FAM50B: variants seen among roughly 807,000 people sequenced by gnomAD.
The protein encoded by FAM50B is protein FAM50B.
Under a neutral mutation model 25.4 loss-of-function variants are expected in FAM50B, and 9 were observed. The ratio of observed to expected loss-of-function variants is 0.35; its 90% confidence interval spans 0.21 to 0.62. The LOEUF is 0.62. FAM50B is among the 20% of genes least tolerant of loss of function. FAM50B has a pLI of 0.73. For synonymous variants in FAM50B, 212 were observed against 204.3 expected (o/e 1.04, Z -0.32); for missense variants, 372 against 477.9 (o/e 0.78, Z 2.07).
the FAM50B span, among the ~76,000 whole-genome samples, chr6:3,837,035 A>G: frequency 6.6e-6 from 1 of 152,336 alleles, no homozygotes; most frequent in East Asian, 1.9e-4. Flanking sequence ...CAACATTTAG[A>G]TGGAAGGAAA....
At position 3,850,144 on chromosome 6, in the gene FAM50B, C is replaced by A. The variant is rs148854528; in HGVS notation, c.333C>A (p.Arg111=). 3.8e-5 allele frequency: 62 copies of A among 1,611,192 alleles called. No homozygotes were observed. Among genetic ancestry groups the A allele is most frequent in the Non-Finnish European group, 5.2e-5 (61 of 1,179,416 alleles). ...GGCAGCGGGAGCAGGAGCAGCGGCGCGAGCGCAAGCGTAAGATCTCCTGCC... is the reference window on the plus strand; with the variant it reads ...GGCAGCGGGAGCAGGAGCAGCGGCGAGAGCGCAAGCGTAAGATCTCCTGCC... ...QERQREQEQR[R]ERKRKISCLS... is the part of the protein sequence containing the mutation. The change falls in exon 2 of 2, where the codon CGC becomes CGA. Residue 111 remains arginine, a synonymous_variant. Transcript: ENST00000648326.
upstream of FAM50B, among the ~76,000 whole-genome samples, chr6:3,847,689 C>A (rs1027116625): frequency 1.3e-5 from 2 of 152,222 alleles, no homozygotes; most frequent in South Asian, 2.1e-4. Context: ...CCTTTGCATT[C>A]ACAACTTAGC....
chr6:3,839,236 GGA>G, the FAM50B span, among the ~76,000 whole-genome samples: 10 of 151,858 alleles, frequency 6.6e-5, no homozygotes, highest in Non-Finnish European at 1.5e-4. Context: ...GGACGCAAAA[GGA>G]GAGAGGGGGA....
At chr6:3,837,721 C>CTGCA in the FAM50B span, among the ~76,000 whole-genome samples, 1 of 152,180 alleles carries the variant, frequency 6.6e-6, no homozygotes, top group Non-Finnish European at 1.5e-5. Context: ...GGCCTTCTTG[C>CTGCA]TGCATCACAA....
chr6:3,841,968 G>C, the FAM50B span, among the ~76,000 whole-genome samples: 1 of 152,226 alleles, frequency 6.6e-6, no homozygotes, highest in East Asian at 1.9e-4. Context: ...AGTGTGCACT[G>C]TGGCCATCCC....
In FAM50B at chr6:3,850,877, T is replaced by C; in HGVS notation, c.*88T>C. On this transcript the variant is annotated 3_prime_UTR_variant, in exon 2 of 2. Coordinates refer to ENST00000648326, the MANE Select transcript of FAM50B (RefSeq NM_012135.3). ...CAGTCACTTGATTTCGTGACCTTGA[T>C]TTCTTCCCCCAAATTTAATAAAGAC... 1 of 1,526,552 alleles carries C rather than the reference T, an allele frequency of 6.6e-7. No individual in the cohort carries two copies. The highest frequency in any genetic ancestry group is 8.8e-7 in the Non-Finnish European group (1 of 1,135,696). The allele number at this position is 1,526,552 out of a possible 1,614,324, so 94.6% of individuals were successfully genotyped here.
At chr6:3,845,460 A>C (rs1413946217), upstream of FAM50B, among the ~76,000 whole-genome samples, 2 of 152,222 alleles carry the variant, frequency 1.3e-5, no homozygotes, top group East Asian at 3.8e-4. Context: ...ATTGAATTAA[A>C]GTTTAGTTGG....
In FAM50B at chr6:3,851,052, TCAGA is replaced by T. The variant is rs1431578102; in HGVS notation, c.*268_*271del. ...ATTGAAACCATGACTGGGCCCACTG[TCAGA>T]CAGAAATTAGAATAGGAGGCACATT... On this transcript the variant is annotated 3_prime_UTR_variant, in exon 2 of 2. Transcript: ENST00000648326. 5 of 500,856 alleles carry T rather than the reference TCAGA, an allele frequency of 1.0e-5. No homozygotes were observed. The highest frequency in any genetic ancestry group is 2.7e-5 in the South Asian group (1 of 37,182). The allele number at this position is 500,856 out of a possible 1,614,324, so 31.0% of individuals were successfully genotyped here. A position where few individuals can be genotyped will look rare whatever the true frequency, so the allele number is the denominator to read the frequency against.
At chr6:3,838,083 G>A in the FAM50B span, among the ~76,000 whole-genome samples, 2 of 152,222 alleles carry the variant, frequency 1.3e-5, no homozygotes, top group Admixed American at 1.3e-4. Flanking sequence ...AAACAGTTTA[G>A]TAGATTTTAT....
In FAM50B at chr6:3,850,496, T is replaced by A; in HGVS notation, c.685T>A (p.Ser229Thr). The part of the protein sequence containing the change: ...GLRKDFLELR[S>T]AGVEQLMFIK... ...GCGCAAGGACTTCCTGGAGCTGCGC[T>A]CCGCCGGCGTGGAGCAGCTCATGTT... The change falls in exon 2 of 2, where the codon TCC becomes ACC. Residue 229 changes from serine (S) to threonine (T), a missense_variant. Ser to Thr is a moderately conservative substitution (Grantham distance 58, BLOSUM62 1). This residue lies in a region of FAM50B where 224 missense variants were observed against 232.2 expected (regional missense o/e 0.96). Coordinates refer to ENST00000648326, the MANE Select transcript of FAM50B (RefSeq NM_012135.3). 6.2e-7 allele frequency: 1 copy of A among 1,613,604 alleles called. No homozygotes were observed. Among genetic ancestry groups the A allele is most frequent in the African/African-American group, 1.3e-5 (1 of 75,054 alleles).
At chr6:3,836,937 G>A in the FAM50B span, among the ~76,000 whole-genome samples, 1 of 152,138 alleles carries the variant, frequency 6.6e-6, no homozygotes, top group Non-Finnish European at 1.5e-5. Flanking sequence ...CCATAGATTC[G>A]CATTATCAAG....
the FAM50B span, among the ~76,000 whole-genome samples, chr6:3,838,564 C>T: frequency 1.3e-5 from 2 of 152,064 alleles, no homozygotes; most frequent in East Asian, 1.9e-4. Flanking sequence ...CAAAAATGGG[C>T]CAGGCACAGT....
chr6:3,832,699 A>T, the FAM50B span, among the ~76,000 whole-genome samples: 1 of 152,122 alleles, frequency 6.6e-6, no homozygotes, highest in Non-Finnish European at 1.5e-5. Flanking sequence ...CCGGAGACAC[A>T]CTTCTTTGGG....
At chr6:3,845,592 T>C (rs1762111093), upstream of FAM50B, among the ~76,000 whole-genome samples, 1 of 152,030 alleles carries the variant, frequency 6.6e-6, no homozygotes, top group African/African-American at 2.4e-5. Context: ...CATCTGTGGG[T>C]GGTGATGGTG....
chr6:3,839,191 G>A, the FAM50B span, among the ~76,000 whole-genome samples: 1 of 151,868 alleles, frequency 6.6e-6, no homozygotes, highest in African/African-American at 2.4e-5. Flanking sequence ...AAGGCAAAAG[G>A]AAGCTGGTAT....
Position 3,850,929 on chromosome 6 carries a change from T to A in FAM50B, c.*140T>A. 1 of 1,344,552 alleles carries A rather than the reference T, an allele frequency of 7.4e-7. No individual in the cohort carries two copies. Among genetic ancestry groups the A allele is most frequent in the Non-Finnish European group, 1.0e-6 (1 of 998,466 alleles). 83.3% of individuals were successfully genotyped at this position (1,344,552 alleles called of 1,614,324 possible). On this transcript the variant is annotated 3_prime_UTR_variant, in exon 2 of 2. Coordinates refer to ENST00000648326, the MANE Select transcript of FAM50B (RefSeq NM_012135.3). ...GAGGGTTCTCATGATTCACATTGGTTGTGCTATTGCTGATGTTATGCTTTG... is the reference window on the plus strand; with the variant it reads ...GAGGGTTCTCATGATTCACATTGGTAGTGCTATTGCTGATGTTATGCTTTG...
rs200271715 is a variant in FAM50B at position 3,849,912 on chromosome 6, G to A, written c.101G>A (p.Arg34His). The change falls in exon 2 of 2, where the codon CGC becomes CAC. Residue 34 changes from arginine (R) to histidine (H), a missense_variant. Around this residue, in one of 4 missense-constraint regions of FAM50B, gnomAD observed 64 missense variants for 118.3 expected, o/e 0.54. Transcript: ENST00000648326. ...QREQMEVLKQ[R>H]IAEETILKSQ... ...GAGCAGATGGAGGTGCTGAAGCAGC[G>A]CATCGCCGAGGAGACCATCCTCAAG... The A allele has an allele frequency of 1.9e-5, 30 of 1,613,482 alleles. No individual in the cohort carries two copies. Among genetic ancestry groups the A allele is most frequent in the Admixed American group, 3.3e-5 (2 of 59,994 alleles).
chr6:3,844,727 G>GA (rs923253047), upstream of FAM50B, among the ~76,000 whole-genome samples: 3 of 149,750 alleles, frequency 2.0e-5, no homozygotes, highest in Non-Finnish European at 3.0e-5. Flanking sequence ...AACAAAAACA[G>GA]AAAAAAAAAC....
At chr6:3,843,716 G>A in the FAM50B span, among the ~76,000 whole-genome samples, 1 of 152,182 alleles carries the variant, frequency 6.6e-6, no homozygotes, top group African/African-American at 2.4e-5. Context: ...TTTCCACCAA[G>A]CAAAGGTTGG....
Sources: gnomAD v4.1 joint callset for allele counts (sites outside exome capture counted in the v4.1 genomes callset) on GRCh38, gnomAD v4.1.1 for gene constraint, gnomAD v4.1.1 regional missense constraint, MANE v1.5 for transcripts, NCBI Gene and HGNC (gene_info 2026-07-23, HGNC 2026-07-21) for gene names.